FIGN: variants seen among roughly 807,000 people sequenced by gnomAD.
The protein encoded by FIGN is fidgetin.
In FIGN, 11 loss-of-function variants were observed where a neutral mutation model predicts 51.3. That is an observed-to-expected ratio of 0.21 (90% confidence interval 0.13 to 0.35). The LOEUF (loss-of-function observed/expected upper bound fraction) is 0.35, where lower values mean the gene tolerates loss of function less well. Among genes scored for constraint, FIGN ranks in the 10% least tolerant of loss-of-function variants. FIGN has a pLI of 1.00. For synonymous variants in FIGN, 407 were observed against 363.2 expected (o/e 1.12, Z -1.37); for missense variants, 857 against 943.6 (o/e 0.91, Z 1.20).
At chr2:163,620,454 A>G (rs1682948759) in intron 2 of FIGN, among the ~76,000 whole-genome samples, 1 of 152,080 alleles carries the variant, frequency 6.6e-6, no homozygotes. Flanking sequence ...CAACCCTCTT[A>G]TGTGTGTAAA....
At chr2:163,616,767 C>T (rs1682885408) in intron 2 of FIGN, among the ~76,000 whole-genome samples, 1 of 152,096 alleles carries the variant, frequency 6.6e-6, no homozygotes, top group Admixed American at 6.6e-5. Context: ...GGGGTAAATA[C>T]TGTAAAGTAA....
chr2:163,691,674 C>A (rs1684241885), intron 2 of FIGN, among the ~76,000 whole-genome samples: 2 of 152,092 alleles, frequency 1.3e-5, no homozygotes, highest in Non-Finnish European at 2.9e-5. Flanking sequence ...ATTTGGTTAA[C>A]AAATATTTCA....
intron 2 of FIGN, among the ~76,000 whole-genome samples, chr2:163,638,199 C>T (rs1573919257): frequency 6.6e-6 from 1 of 151,784 alleles, no homozygotes; most frequent in Non-Finnish European, 1.5e-5. Flanking sequence ...AGCCCTTCTA[C>T]GCTAGTGTGA....
chr2:163,611,292 G>C lies in FIGN; in HGVS notation c.540C>G (p.Leu180=), dbSNP rs267598951. The part of the protein sequence containing the change: ...SHTVPSLHAG[L]PSQEYAPGYN... ...ATCCTGGGGCATATTCCTGAGATGG[G>C]AGCCCTGCATGAAGACTGGGTACAG... Residue 180 remains leucine (L), a synonymous_variant, in exon 3 of 3, where the codon CTC becomes CTG. Coordinates refer to ENST00000333129, the MANE Select transcript of FIGN (RefSeq NM_018086.4). The C allele has an allele frequency of 5.0e-5, 81 of 1,614,122 alleles. 1 individual carries two copies. The highest frequency in any genetic ancestry group is 4.9e-4 in the Middle Eastern group (3 of 6,062).
intron 2 of FIGN, among the ~76,000 whole-genome samples, chr2:163,721,650 A>G (rs1684758302): frequency 6.6e-6 from 1 of 152,206 alleles, no homozygotes; most frequent in African/African-American, 2.4e-5. Flanking sequence ...TTCAGGTTCA[A>G]CAATCAGCAC....
chr2:163,612,651 C>T lies in FIGN; in HGVS notation c.26-845G>A, dbSNP rs1209804375. The T allele has an allele frequency of 1.1e-5, 11 of 980,826 alleles. No homozygotes were observed. The East Asian group carries it at 1.1e-3, about 102-fold the overall frequency. 60.8% of individuals were successfully genotyped at this position (980,826 alleles called of 1,614,324 possible). On this transcript the variant is annotated intron_variant, in intron 2 of 2. Transcript: ENST00000333129. ...GCGTTCTCCCTCCTTCTCTTATAAT[C>T]CCTCCTCCCCTTACAGCCTGCAAGG...
At chr2:163,703,559 G>T (rs1367768727) in intron 2 of FIGN, among the ~76,000 whole-genome samples, 1 of 152,138 alleles carries the variant, frequency 6.6e-6, no homozygotes, top group Non-Finnish European at 1.5e-5. Context: ...AGGACTGCTG[G>T]ATGTTAACTG....
intron 2 of FIGN, among the ~76,000 whole-genome samples, chr2:163,636,263 C>T (rs564466791): frequency 2.0e-5 from 3 of 152,134 alleles, no homozygotes; most frequent in Admixed American, 6.5e-5. Flanking sequence ...ACTGCATACC[C>T]CTTGTTTCTA....
chr2:163,624,454 G>A lies in FIGN; in HGVS notation c.26-12648C>T, dbSNP rs561218237. On this transcript the variant is annotated intron_variant, in intron 2 of 2. Coordinates refer to ENST00000333129, the MANE Select transcript of FIGN (RefSeq NM_018086.4). ...AAAAAAAAAAAAGAGAGACACAAAA[G>A]GTGACCTTATTTAGACATATTAGTC... Among the ~76,000 whole-genome samples, 14 of 151,296 alleles carry A rather than the reference G, an allele frequency of 9.3e-5. No individual in the cohort carries two copies. The East Asian group carries it at 2.1e-3, about 23-fold the overall frequency.
Position 163,610,888 on chromosome 2 carries a change from G to A in FIGN, c.944C>T (p.Ser315Phe). 1.2e-6 allele frequency: 2 copies of A among 1,613,666 alleles called. No homozygotes were observed. The highest frequency in any genetic ancestry group is 1.7e-6 in the Non-Finnish European group (2 of 1,179,954). ...PSALTNSSASSLKRKAFYMAG... is the reference protein window; with the variant it reads ...PSALTNSSASFLKRKAFYMAG... The stretch of plus-strand genomic sequence containing the variant: ...CATGTAGAAAGCTTTCCTTTTGAGA[G>A]AACTTGCTGAACTGTTTGTCAGAGC... Residue 315 changes from serine to phenylalanine, a missense_variant, in exon 3 of 3, where the codon TCT becomes TTT. Around this residue, in one of 3 missense-constraint regions of FIGN, gnomAD observed 799 missense variants for 849.5 expected, o/e 0.94. Transcript: ENST00000333129.
chr2:163,710,974 T>A (rs748534272), intron 2 of FIGN, among the ~76,000 whole-genome samples: 1 of 152,190 alleles, frequency 6.6e-6, no homozygotes, highest in Non-Finnish European at 1.5e-5. Context: ...ATATAAACTT[T>A]TTATTACTTC....
At chr2:163,735,488 C>T (rs886507894) in intron 1 of FIGN, among the ~76,000 whole-genome samples, 4 of 152,086 alleles carry the variant, frequency 2.6e-5, no homozygotes, top group Admixed American at 2.6e-4. Flanking sequence ...CTAGCCCCAC[C>T]CTATGGCTCC....
intron 2 of FIGN, among the ~76,000 whole-genome samples, chr2:163,687,183 A>C: frequency 6.6e-6 from 1 of 152,196 alleles, no homozygotes; most frequent in East Asian, 1.9e-4. Flanking sequence ...GTGTCAGGGG[A>C]TCACTAACTT....
At chr2:163,722,640 T>C (rs1183650030) in intron 2 of FIGN, among the ~76,000 whole-genome samples, 3 of 152,174 alleles carry the variant, frequency 2.0e-5, no homozygotes, top group African/African-American at 7.2e-5. Context: ...ATTTTAAAGA[T>C]AGCATAATGT....
chr2:163,638,256 CA>C (rs1267324986), intron 2 of FIGN, among the ~76,000 whole-genome samples: 2 of 151,440 alleles, frequency 1.3e-5, no homozygotes, highest in Non-Finnish European at 2.9e-5. Flanking sequence ...AAGATCAAGA[CA>C]GAGAATGAGA....
chr2:163,684,214 A>C (rs1184467837), intron 2 of FIGN, among the ~76,000 whole-genome samples: 2 of 152,330 alleles, frequency 1.3e-5, no homozygotes, highest in African/African-American at 4.8e-5. Flanking sequence ...TATATTATTC[A>C]GTCATTCCTA....
chr2:163,608,403 C>G lies in FIGN; in HGVS notation c.*1149G>C, dbSNP rs1169490483. On this transcript the variant is annotated 3_prime_UTR_variant, in exon 3 of 3. Transcript: ENST00000333129. ...TTAGTGAATAGAATGACACCATTCCCAGCAGTTTTAAGAGATAACTTGCAA... is the reference window on the plus strand; with the variant it reads ...TTAGTGAATAGAATGACACCATTCCGAGCAGTTTTAAGAGATAACTTGCAA... 2 of 152,614 alleles carry G rather than the reference C, an allele frequency of 1.3e-5. No homozygotes were observed. The highest frequency in any genetic ancestry group is 2.9e-5 in the Non-Finnish European group (2 of 68,202). 9.5% of individuals were successfully genotyped at this position (152,614 alleles called of 1,614,324 possible).
chr2:163,701,729 C>T (rs1684410665), intron 2 of FIGN, among the ~76,000 whole-genome samples: 1 of 152,088 alleles, frequency 6.6e-6, no homozygotes, highest in Non-Finnish European at 1.5e-5. Context: ...TCAGCATTTC[C>T]CTGCCTTAAT....
At chr2:163,671,663 T>C (rs763889158) in intron 2 of FIGN, among the ~76,000 whole-genome samples, 2 of 152,164 alleles carry the variant, frequency 1.3e-5, no homozygotes, top group Non-Finnish European at 2.9e-5. Flanking sequence ...AAAATTTCAC[T>C]TTTCTAGGTT....
Sources: allele counts gnomAD v4.1 joint callset (sites outside exome capture counted in the v4.1 genomes callset), GRCh38; gene constraint gnomAD v4.1.1; regional missense constraint gnomAD v4.1.1; transcripts MANE v1.5; gene names NCBI Gene and HGNC (gene_info 2026-07-23, HGNC 2026-07-21).